Variants in TMPRSS11F observed in about 807,000 individuals in gnomAD.
TMPRSS11F encodes the protein transmembrane serine protease 11F, also known as transmembrane protease serine 11F.
In TMPRSS11F, 47 loss-of-function variants were observed where a neutral mutation model predicts 60.2. The observed-to-expected ratio is 0.78, with a 90% CI of 0.62 to 1.00. TMPRSS11F has a LOEUF of 1.00. Ranked by LOEUF, TMPRSS11F falls within the 50% of genes least tolerant of loss-of-function variation. The probability of loss-of-function intolerance (pLI) is 0.00; values close to 1 mark genes in which losing one functional copy is unlikely to be tolerated. For synonymous variants in TMPRSS11F, 166 were observed against 167.3 expected, an observed-to-expected ratio of 0.99 and a Z score of 0.06; for missense variants, 519 against 522.9, an observed-to-expected ratio of 0.99 and a Z score of 0.07.
At chr4:68,084,537 C>G (rs1274689640) in intron 3 of TMPRSS11F, among the ~76,000 whole-genome samples, 1 of 152,096 alleles carries the variant, frequency 6.6e-6, no homozygotes, top group Non-Finnish European at 1.5e-5. Context: ...AAATTCCTAC[C>G]AAGAACTTCA....
intron 3 of TMPRSS11F, among the ~76,000 whole-genome samples, chr4:68,090,309 A>G (rs544188678): frequency 3.1e-4 from 47 of 152,168 alleles, no homozygotes; most frequent in Non-Finnish European, 4.3e-4. Context: ...TTAGTTGCCT[A>G]CTCTAATCTA....
intron 3 of TMPRSS11F, among the ~76,000 whole-genome samples, chr4:68,086,152 A>T (rs73825373): frequency 0.011 from 1,697 of 151,772 alleles, 36 homozygotes; most frequent in African/African-American, 0.038. Flanking sequence ...TGAATAAATT[A>T]AAAAAAAATC....
At chr4:68,124,392 C>A (rs181331453) in intron 1 of TMPRSS11F, among the ~76,000 whole-genome samples, 7 of 152,156 alleles carry the variant, frequency 4.6e-5, no homozygotes, top group African/African-American at 1.7e-4. Flanking sequence ...GTCCCAGCTA[C>A]TCTGGAGGCT....
chr4:68,104,060 T>C (rs192463666), intron 1 of TMPRSS11F, among the ~76,000 whole-genome samples: 17 of 152,320 alleles, frequency 1.1e-4, no homozygotes, highest in African/African-American at 3.6e-4. Context: ...TGTGGCATCT[T>C]TGGGATTTAT....
At chr4:68,119,698 CAAAAT>C (rs1434195487) in intron 1 of TMPRSS11F, among the ~76,000 whole-genome samples, 1 of 152,154 alleles carries the variant, frequency 6.6e-6, no homozygotes, top group Non-Finnish European at 1.5e-5. Context: ...AGATTCCTTT[CAAAAT>C]ATTACTGCTC....
intron 8 of TMPRSS11F, among the ~76,000 whole-genome samples, chr4:68,060,920 A>T (rs1723157936): frequency 6.6e-6 from 1 of 152,046 alleles, no homozygotes; most frequent in Admixed American, 6.6e-5. Context: ...GTTCTAGTTT[A>T]TAATAATATA....
chr4:68,098,101 T>G (rs898952059), intron 2 of TMPRSS11F, among the ~76,000 whole-genome samples: 3 of 152,038 alleles, frequency 2.0e-5, no homozygotes, highest in African/African-American at 7.2e-5. Flanking sequence ...GGTCACAAGT[T>G]TGAGACCAGC....
At chr4:68,123,942 C>A (rs1724667935) in intron 1 of TMPRSS11F, among the ~76,000 whole-genome samples, 1 of 152,060 alleles carries the variant, frequency 6.6e-6, no homozygotes, top group South Asian at 2.1e-4. Flanking sequence ...TTATCAAGGT[C>A]GGGCACGGTG....
intron 2 of TMPRSS11F, among the ~76,000 whole-genome samples, chr4:68,095,894 T>C (rs1180645271): frequency 2.9e-4 from 2 of 6,916 alleles, no homozygotes; most frequent in Admixed American, 2.5e-3. Flanking sequence ...AGATTCCATC[T>C]CAAAAAAAAA....
chr4:68,072,590 G>C (rs950332025), intron 4 of TMPRSS11F, 104 bp from the exon 5 acceptor site: 7 of 745,426 alleles, frequency 9.4e-6, no homozygotes, highest in Non-Finnish European at 1.1e-5. Flanking sequence ...CATGATACAT[G>C]TGCATACCAG....
intron 3 of TMPRSS11F, among the ~76,000 whole-genome samples, chr4:68,086,829 T>C (rs1039018728): frequency 1.3e-5 from 2 of 151,992 alleles, no homozygotes; most frequent in African/African-American, 2.4e-5. Flanking sequence ...CAAGTAGAAA[T>C]TGAAAACCTG....
chr4:68,099,085 T>A, intron 1 of TMPRSS11F, 47 bp from the exon 2 acceptor site: 1 of 1,519,252 alleles, frequency 6.6e-7, no homozygotes, highest in Non-Finnish European at 9.0e-7. Flanking sequence ...TCATTATAGT[T>A]CAACTTTATG....
At chr4:68,104,929 T>C (rs550543364) in intron 1 of TMPRSS11F, among the ~76,000 whole-genome samples, 2 of 149,490 alleles carry the variant, frequency 1.3e-5, no homozygotes, top group East Asian at 4.0e-4. Flanking sequence ...CATTTTTGCA[T>C]CAATGTTTAT....
intron 1 of TMPRSS11F, among the ~76,000 whole-genome samples, chr4:68,117,913 G>A (rs535845166): frequency 2.1e-4 from 32 of 152,098 alleles, no homozygotes; most frequent in Non-Finnish European, 1.0e-4. Flanking sequence ...GAGATAGTTG[G>A]GAAATTGTTG....
At chr4:68,056,499 T>A (rs887473402) in intron 9 of TMPRSS11F, among the ~76,000 whole-genome samples, 39 of 149,154 alleles carry the variant, frequency 2.6e-4, no homozygotes, top group African/African-American at 8.3e-4. Context: ...ACGCTTTGTA[T>A]ACTGAAAACT....
intron 8 of TMPRSS11F, chr4:68,062,824 T>G: frequency 1.3e-6 from 1 of 762,514 alleles, no homozygotes; most frequent in Non-Finnish European, 2.4e-6. Flanking sequence ...GATCCGTGGA[T>G]TTCCGTAGAG....
intron 1 of TMPRSS11F, among the ~76,000 whole-genome samples, chr4:68,124,787 A>G (rs1004309805): frequency 2.6e-5 from 4 of 152,048 alleles, no homozygotes; most frequent in Non-Finnish European, 5.9e-5. Context: ...TTTGTTTACA[A>G]TAGTATCTAG....
At chr4:68,062,732 G>T (rs779022884) in intron 8 of TMPRSS11F, 15 of 742,206 alleles carry the variant, frequency 2.0e-5, no homozygotes, top group South Asian at 1.2e-4. Context: ...CTGAAATAGG[G>T]TCACTTTGAA....
Position 68,053,362 on chromosome 4 carries a change from C to G in TMPRSS11F, c.*547G>C, listed in dbSNP as rs1243654150. The G allele has an allele frequency of 1.3e-5, 2 of 152,532 alleles. No individual in the cohort carries two copies. Among genetic ancestry groups the G allele is most frequent in the Non-Finnish European group, 2.9e-5 (2 of 68,024 alleles). 9.4% of individuals were successfully genotyped at this position (152,532 alleles called of 1,614,324 possible). A position where few individuals can be genotyped will look rare whatever the true frequency, so the allele number is the denominator to read the frequency against. On this transcript the variant is annotated 3_prime_UTR_variant, in exon 10 of 10. Coordinates refer to ENST00000356291, the MANE Select transcript of TMPRSS11F (RefSeq NM_207407.2). ...ATACATTTAAAAACTTTTAAAATGT[C>G]AACTGTTGAGGTTAGAGATAGTGCT...
Sources: allele counts gnomAD v4.1 joint callset (sites outside exome capture counted in the v4.1 genomes callset), GRCh38; gene constraint gnomAD v4.1.1; transcripts MANE v1.5; gene names NCBI Gene and HGNC (gene_info 2026-07-23, HGNC 2026-07-21).